Variants in CDH4 observed in about 807,000 individuals in gnomAD.
The protein encoded by CDH4 is cadherin-4.
In CDH4, 33 loss-of-function variants were observed where a neutral mutation model predicts 86.0. The observed-to-expected ratio is 0.38, with a 90% CI of 0.29 to 0.51. The LOEUF is 0.51. CDH4 is among the 20% of genes least tolerant of loss of function. The probability of loss-of-function intolerance (pLI) is 0.86; values close to 1 mark genes in which losing one functional copy is unlikely to be tolerated. For missense variants in CDH4, 1,114 were observed against 1,307.4 expected, an observed-to-expected ratio of 0.85 and a Z score of 2.28; for synonymous variants, 555 against 549.4, an observed-to-expected ratio of 1.01 and a Z score of -0.14.
chr20:61,692,664 C>CT (rs2087672599), intron 2 of CDH4, among the ~76,000 whole-genome samples: 1 of 152,188 alleles, frequency 6.6e-6, no homozygotes, highest in African/African-American at 2.4e-5. Context: ...TGTGATGGGG[C>CT]AGGGGCAAGT....
intron 2 of CDH4, among the ~76,000 whole-genome samples, chr20:61,652,797 G>GAA (rs10668889): frequency 0.093 from 11,898 of 127,758 alleles, 648 homozygotes; most frequent in African/African-American, 0.17. Flanking sequence ...TTTTTCAAAT[G>GAA]AAAAAAAAAA....
chr20:61,444,831 ATC>A, intron 2 of CDH4, among the ~76,000 whole-genome samples: 1 of 149,024 alleles, frequency 6.7e-6, no homozygotes, highest in South Asian at 2.1e-4. Context: ...CTTTGTGTAC[ATC>A]TGTGTCTGTG....
At chr20:61,748,531 A>AGG (rs1226162777) in intron 3 of CDH4, among the ~76,000 whole-genome samples, 2 of 152,250 alleles carry the variant, frequency 1.3e-5, no homozygotes, top group Non-Finnish European at 2.9e-5. Flanking sequence ...AAACAAGTTG[A>AGG]GGTGAACACT....
At chr20:61,704,573 C>G (rs1035068821) in intron 2 of CDH4, among the ~76,000 whole-genome samples, 1 of 152,182 alleles carries the variant, frequency 6.6e-6, no homozygotes. Context: ...GTGGCCACAG[C>G]GTGCAGTAGG....
At chr20:61,869,331 G>A (rs989302692) in intron 6 of CDH4, among the ~76,000 whole-genome samples, 10 of 152,210 alleles carry the variant, frequency 6.6e-5, no homozygotes, top group East Asian at 1.9e-4. Flanking sequence ...GAACACAGCC[G>A]TGCCCATTGC....
At chr20:61,338,340 T>C (rs1268900118) in intron 2 of CDH4, among the ~76,000 whole-genome samples, 1 of 152,184 alleles carries the variant, frequency 6.6e-6, no homozygotes, top group African/African-American at 2.4e-5. Flanking sequence ...AGGTTTTTCC[T>C]GCACCTAAAA....
chr20:61,744,922 T>C (rs1336913389), intron 3 of CDH4, among the ~76,000 whole-genome samples: 2 of 152,192 alleles, frequency 1.3e-5, no homozygotes, highest in Non-Finnish European at 2.9e-5. Flanking sequence ...TGGAGGCTGC[T>C]GAAGAAGCTG....
intron 4 of CDH4, among the ~76,000 whole-genome samples, chr20:61,808,661 G>A (rs553858528): frequency 5.9e-5 from 9 of 152,336 alleles, no homozygotes; most frequent in African/African-American, 2.2e-4. Context: ...CCGGCAGCAC[G>A]CCCCTCCCCA....
At chr20:61,577,923 A>G (rs1018617151) in intron 2 of CDH4, among the ~76,000 whole-genome samples, 1 of 151,960 alleles carries the variant, frequency 6.6e-6, no homozygotes, top group Non-Finnish European at 1.5e-5. Context: ...GCTTGTCTTC[A>G]TTTCTCTCCT....
intron 2 of CDH4, among the ~76,000 whole-genome samples, chr20:61,491,489 C>T (rs1336880655): frequency 1.3e-5 from 2 of 152,184 alleles, no homozygotes; most frequent in African/African-American, 4.8e-5. Context: ...AAAAGGGTGC[C>T]TACAACTGTG....
intron 3 of CDH4, among the ~76,000 whole-genome samples, chr20:61,749,498 T>C (rs1049072264): frequency 6.6e-6 from 1 of 152,218 alleles, no homozygotes; most frequent in African/African-American, 2.4e-5. Context: ...ATTCTCAACA[T>C]ACTTCAAAGG....
chr20:61,735,192 G>T (rs1054953629), intron 2 of CDH4, among the ~76,000 whole-genome samples: 1 of 152,212 alleles, frequency 6.6e-6, no homozygotes, highest in African/African-American at 2.4e-5. Context: ...CTCAGGATGC[G>T]GTTGGGGCCC....
intron 2 of CDH4, among the ~76,000 whole-genome samples, chr20:61,549,001 G>A (rs1167521592): frequency 6.6e-6 from 1 of 151,898 alleles, no homozygotes; most frequent in East Asian, 1.9e-4. Context: ...GAGGCGGGTG[G>A]AAGCCGCCTT....
intron 4 of CDH4, among the ~76,000 whole-genome samples, chr20:61,840,394 A>T (rs1568843615): frequency 1.3e-5 from 2 of 152,176 alleles, no homozygotes; most frequent in South Asian, 2.1e-4. Flanking sequence ...TCCAGTTTCA[A>T]GTTCATTTGA....
Position 61,810,147 on chromosome 20 carries a change from G to A in CDH4, c.577-34521G>A, listed in dbSNP as rs1384436782. 6.6e-6 allele frequency among the ~76,000 whole-genome samples: 1 copy of A among 152,194 alleles called. No homozygotes were observed. Among genetic ancestry groups the A allele is most frequent in the Non-Finnish European group, 1.5e-5 (1 of 68,038 alleles). The stretch of plus-strand genomic sequence containing the variant: ...CCGGGGTGGGGTGGGGGGCACCTGA[G>A]CCTAGACCTGTTCTCAAGACGGAGA... On this transcript the variant is annotated intron_variant, in intron 4 of 15. Coordinates refer to ENST00000614565, the MANE Select transcript of CDH4 (RefSeq NM_001794.5). The surrounding 1 kb of genome is among the most constrained non-coding windows in gnomAD (Gnocchi z 4.3).
At chr20:61,919,307 G>A (rs1283014342) in intron 9 of CDH4, among the ~76,000 whole-genome samples, 1 of 152,246 alleles carries the variant, frequency 6.6e-6, no homozygotes, top group Non-Finnish European at 1.5e-5. Flanking sequence ...GAGAGGCTGT[G>A]GTGGCCCCGG....
chr20:61,667,710 C>T (rs1203292814), intron 2 of CDH4, among the ~76,000 whole-genome samples: 2 of 152,148 alleles, frequency 1.3e-5, no homozygotes, highest in Non-Finnish European at 2.9e-5. Flanking sequence ...TGGAAGGGGT[C>T]GGGCTGGACT....
At chr20:61,487,854 G>T (rs2085604947) in intron 2 of CDH4, among the ~76,000 whole-genome samples, 1 of 152,180 alleles carries the variant, frequency 6.6e-6, no homozygotes, top group South Asian at 2.1e-4. Context: ...TCTTGTCCGT[G>T]GAAACAGTCT....
chr20:61,849,158 A>G (rs1242464809), intron 5 of CDH4, among the ~76,000 whole-genome samples: 3 of 145,968 alleles, frequency 2.1e-5, no homozygotes, highest in Admixed American at 1.4e-4. Flanking sequence ...TTCCACTTGT[A>G]GCTAATCTCT....
Sources: allele counts gnomAD v4.1 joint callset (sites outside exome capture counted in the v4.1 genomes callset), GRCh38; gene constraint gnomAD v4.1.1; non-coding constraint Gnocchi (gnomAD v3.1); transcripts MANE v1.5; gene names NCBI Gene and HGNC (gene_info 2026-07-23, HGNC 2026-07-21).